The following MUC17 variants were observed in gnomAD, a reference collection of about 807,000 sequenced individuals.
The protein encoded by MUC17 is mucin-17.
Under a neutral mutation model 170.3 loss-of-function variants are expected in MUC17, and 190 were observed. The observed-to-expected ratio is 1.12, with a 90% CI of 0.99 to 1.26. The LOEUF is 1.26. Ranked by LOEUF, MUC17 falls within the 50% of genes most tolerant of loss-of-function variation. The pLI is 0.00. For synonymous variants in MUC17, 2,325 were observed against 2,002.5 expected (o/e 1.16, Z -4.30); for missense variants, 6,415 against 5,530.0 (o/e 1.16, Z -5.08).
chr7:101,051,773 G>T (rs1794949153), intron 8 of MUC17, 30 bp from the exon 9 acceptor site: 1 of 1,609,730 alleles, frequency 6.2e-7, no homozygotes, highest in Non-Finnish European at 8.5e-7. Context: ...TCTGATCACG[G>T]CTGTTCCCTG....
rs150144892 is a variant in MUC17 at position 101,032,829 on chromosome 7, C to A, written c.1413C>A (p.Asn471Lys). 19 of 1,613,658 alleles carry A rather than the reference C, an allele frequency of 1.2e-5. No homozygotes were observed. The highest frequency in any genetic ancestry group is 3.3e-5 in the South Asian group (3 of 91,066). The change falls in exon 3 of 13, where the codon AAC becomes AAA. Residue 471 changes from asparagine to lysine, a missense_variant. Transcript: ENST00000306151. ...TTPVASSEAS[N>K]LSTTPVDSKT... Reference sequence around the variant, plus strand: ...CAGTGGCCAGTTCTGAGGCTAGCAACCTTTCAACAACTCCTGTTGACTCCA... The same window carrying A: ...CAGTGGCCAGTTCTGAGGCTAGCAAACTTTCAACAACTCCTGTTGACTCCA...
Position 101,043,245 on chromosome 7 carries a change from C to T in MUC17, c.11829C>T (p.Ser3943=). Residue 3943 remains serine (S), a synonymous_variant, in exon 3 of 13, where the codon AGC becomes AGT. Coordinates refer to ENST00000306151, the MANE Select transcript of MUC17 (RefSeq NM_001040105.2). ...STPGTTIFIP[S]TPVTSSTADV... Reference sequence around the variant, plus strand: ...CTGGGACAACCATTTTTATTCCCAGCACTCCTGTCACCAGTTCTACTGCTG... The same window carrying T: ...CTGGGACAACCATTTTTATTCCCAGTACTCCTGTCACCAGTTCTACTGCTG... 6.2e-7 allele frequency: 1 copy of T among 1,614,170 alleles called. No individual in the cohort carries two copies. The highest frequency in any genetic ancestry group is 1.1e-5 in the South Asian group (1 of 91,090).
intron 1 of MUC17, among the ~76,000 whole-genome samples, chr7:101,026,119 T>C (rs1283757578): frequency 6.6e-6 from 1 of 152,164 alleles, no homozygotes; most frequent in Admixed American, 6.5e-5. Context: ...CCTGCAAAGC[T>C]TTTTTACTTC....
chr7:101,043,357 A>T lies in MUC17; in HGVS notation c.11941A>T (p.Thr3981Ser), dbSNP rs1025460105. 3 of 1,614,058 alleles carry T rather than the reference A, an allele frequency of 1.9e-6. No homozygotes were observed. The highest frequency in any genetic ancestry group is 1.7e-6 in the Non-Finnish European group (2 of 1,180,038). ...CACACCATCAACCTCCAGTAGTAGT[A>T]CCACCACATCTTTTTCAACTACTAA... ...LNTPSTSSSS[T>S]TTSFSTTKEF... Residue 3981 changes from threonine to serine, a missense_variant, in exon 3 of 13, where the codon ACC becomes TCC. Thr to Ser is a moderately conservative substitution (Grantham distance 58, BLOSUM62 1). Transcript: ENST00000306151.
At position 101,033,270 on chromosome 7, in the gene MUC17, C is replaced by A; in HGVS notation, c.1854C>A (p.Ser618Arg). Residue 618 changes from serine (S) to arginine (R), a missense_variant, in exon 3 of 13, where the codon AGC (serine) becomes AGA (arginine). Coordinates refer to ENST00000306151, the MANE Select transcript of MUC17 (RefSeq NM_001040105.2). Reference sequence around the variant, plus strand: ...CTTCTACAACTGCTGAAGGTACCAGCATGCCAACCTCAACTTACAGTGAAA... The same window carrying A: ...CTTCTACAACTGCTGAAGGTACCAGAATGCCAACCTCAACTTACAGTGAAA... ...SSSSTTAEGT[S>R]MPTSTYSERG... 1 of 1,614,072 alleles carries A rather than the reference C, an allele frequency of 6.2e-7. No homozygotes were observed. The highest frequency in any genetic ancestry group is 1.1e-5 in the South Asian group (1 of 91,064).
chr7:101,053,238 G>A (rs1253393680), intron 10 of MUC17, 91 bp downstream of exon 10: 1 of 1,585,080 alleles, frequency 6.3e-7, no homozygotes, highest in African/African-American at 1.3e-5. Context: ...CATAGTCTAG[G>A]TGGGCAGCGG....
chr7:101,026,663 C>T (rs1326807875), intron 1 of MUC17, among the ~76,000 whole-genome samples: 1 of 152,178 alleles, frequency 6.6e-6, no homozygotes, highest in African/African-American at 2.4e-5. Flanking sequence ...TAGCTCACTG[C>T]AGCCTTGAAC....
In MUC17 at chr7:101,042,373, G is replaced by T. The variant is rs1328083111; in HGVS notation, c.10957G>T (p.Gly3653Cys). ...CACATCGGTGACCATTTCTGAGGCT[G>T]GCACAGCTTCAACACTTCCTGTTGA... ...STTSVTISEA[G>C]TASTLPVDTS... The change falls in exon 3 of 13, where the codon GGC (glycine) becomes TGC (cysteine). Residue 3653 changes from glycine to cysteine, a missense_variant. Physicochemically the swap from Gly to Cys is radical, Grantham distance 159. Coordinates refer to ENST00000306151, the MANE Select transcript of MUC17 (RefSeq NM_001040105.2). 1.2e-6 allele frequency: 2 copies of T among 1,612,920 alleles called. No homozygotes were observed. Among genetic ancestry groups the T allele is most frequent in the Middle Eastern group, 1.7e-4 (1 of 6,058 alleles).
Position 101,036,992 on chromosome 7 carries a change from C to T in MUC17, c.5576C>T (p.Thr1859Ile), listed in dbSNP as rs778367192. 52 of 1,583,818 alleles carry T rather than the reference C, an allele frequency of 3.3e-5. 1 individual carries two copies. Among genetic ancestry groups the T allele is most frequent in the Non-Finnish European group, 4.0e-5 (47 of 1,178,998 alleles). ...PTPAEGTSIA[T>I]STPSEGSTAL... Reference sequence around the variant, plus strand: ...CCTGCTGAAGGTACCAGCATAGCAACCTCAACGCCTAGTGAAGGAAGCACT... The same window carrying T: ...CCTGCTGAAGGTACCAGCATAGCAATCTCAACGCCTAGTGAAGGAAGCACT... Residue 1859 changes from threonine to isoleucine, a missense_variant, in exon 3 of 13, where the codon ACC becomes ATC. By Grantham distance (89) the Thr-to-Ile change is moderately conservative. Transcript: ENST00000306151.
intron 11 of MUC17, among the ~76,000 whole-genome samples, chr7:101,054,333 T>A (rs572244658): frequency 6.6e-6 from 1 of 151,966 alleles, no homozygotes; most frequent in Non-Finnish European, 1.5e-5. Flanking sequence ...AGCAGGGGAG[T>A]TGTACCTCAG....
At chr7:101,056,313 C>T (rs775615693) in intron 12 of MUC17, 43 bp downstream of exon 12, 18 of 1,606,932 alleles carry the variant, frequency 1.1e-5, no homozygotes, top group Admixed American at 5.1e-5. Context: ...CCCAACCCTG[C>T]GACTTTCTTC....
chr7:101,043,719 G>A lies in MUC17; in HGVS notation c.12303G>A (p.Arg4101=), dbSNP rs2116461045. Residue 4101 remains arginine, a synonymous_variant, in exon 3 of 13, where the codon CGG becomes CGA. Transcript: ENST00000306151. ...CCACCAGGACAAAACCCAGCACACG[G>A]ACCACTTCCTTCCCCACGGTGACCA... The part of the protein sequence containing the change: ...TMTTRTKPST[R]TTSFPTVTTT... 1 of 1,613,994 alleles carries A rather than the reference G, an allele frequency of 6.2e-7. No homozygotes were observed. Among genetic ancestry groups the A allele is most frequent in the Non-Finnish European group, 8.5e-7 (1 of 1,180,010 alleles).
Position 101,042,465 on chromosome 7 carries a change from C to T in MUC17, c.11049C>T (p.Thr3683=). The T allele has an allele frequency of 6.2e-7, 1 of 1,614,002 alleles. No individual in the cohort carries two copies. Among genetic ancestry groups the T allele is most frequent in the Non-Finnish European group, 8.5e-7 (1 of 1,179,970 alleles). ...SSSPVTPEGT[T]MPIWTPSEGS... is the part of the protein sequence containing the mutation. Reference sequence around the variant, plus strand: ...CTCCTGTGACTCCTGAAGGTACCACCATGCCAATCTGGACGCCTAGTGAAG... The same window carrying T: ...CTCCTGTGACTCCTGAAGGTACCACTATGCCAATCTGGACGCCTAGTGAAG... Residue 3683 remains threonine, a synonymous_variant, in exon 3 of 13, where the codon ACC becomes ACT. Transcript: ENST00000306151.
intron 1 of MUC17, among the ~76,000 whole-genome samples, chr7:101,026,056 A>G (rs1041554343): frequency 1.4e-4 from 21 of 152,218 alleles, no homozygotes; most frequent in African/African-American, 4.8e-4. Flanking sequence ...ACTCACCCCA[A>G]TAACACTGTC....
chr7:101,038,039 C>G lies in MUC17; in HGVS notation c.6623C>G (p.Thr2208Ser), dbSNP rs557614802. The G allele has an allele frequency of 1.9e-6, 3 of 1,587,184 alleles. No individual in the cohort carries two copies. Among genetic ancestry groups the G allele is most frequent in the South Asian group, 2.3e-5 (2 of 86,938 alleles). The change falls in exon 3 of 13, where the codon ACC (threonine) becomes AGC (serine). Residue 2208 changes from threonine (T) to serine (S), a missense_variant. Thr to Ser is a moderately conservative substitution (Grantham distance 58). Coordinates refer to ENST00000306151, the MANE Select transcript of MUC17 (RefSeq NM_001040105.2). ...ARSSPTTSEGTSMPTSTPSEG... is the reference protein window; with the variant it reads ...ARSSPTTSEGSSMPTSTPSEG... ...TCATCTCCTACAACTTCTGAAGGTA[C>G]CAGCATGCCAACCTCAACTCCTAGT...
chr7:101,058,119 A>G lies in MUC17; in HGVS notation c.*75A>G. 3 of 1,345,234 alleles carry G rather than the reference A, an allele frequency of 2.2e-6. No individual in the cohort carries two copies. Among genetic ancestry groups the G allele is most frequent in the South Asian group, 1.2e-5 (1 of 85,126 alleles). 83.3% of individuals were successfully genotyped at this position (1,345,234 alleles called of 1,614,324 possible). ...CTTGGTGGAGCATTTTCCCATTGAG[A>G]GCCTTCCATGGGAACTCAATGTTCC... On this transcript the variant is annotated 3_prime_UTR_variant, in exon 13 of 13. Transcript: ENST00000306151.
rs959740552 is a variant in MUC17, at chr7:101,033,616, G to C, written c.2200G>C (p.Gly734Arg). The change falls in exon 3 of 13, where the codon GGT (glycine) becomes CGT (arginine). Residue 734 changes from glycine (G) to arginine (R), a missense_variant. Transcript: ENST00000306151. ...CAGTTCCTCTCCTACAACTGCTGAT[G>C]GTGCCAGTATGCCAACCTCAACTCC... is the stretch of plus-strand genomic sequence containing the variant. ...EASSSPTTAD[G>R]ASMPTSTPSE... is the part of the protein sequence containing the mutation. 4.2e-5 allele frequency: 68 copies of C among 1,613,438 alleles called. No homozygotes were observed. The highest frequency in any genetic ancestry group is 5.7e-5 in the Non-Finnish European group (67 of 1,179,912).
chr7:101,049,093 C>A, intron 5 of MUC17, 121 bp downstream of exon 5: 1 of 1,495,238 alleles, frequency 6.7e-7, no homozygotes, highest in South Asian at 1.2e-5. Flanking sequence ...CTCAGGCCCC[C>A]ACGTCCTCAG....
chr7:101,056,367 T>C lies in MUC17; in HGVS notation c.13440+97T>C. 5.2e-6 allele frequency: 8 copies of C among 1,529,670 alleles called. No individual in the cohort carries two copies. The South Asian group carries it at 7.2e-5, about 14-fold the overall frequency. 94.8% of individuals were successfully genotyped at this position (1,529,670 alleles called of 1,614,324 possible). A position where few individuals can be genotyped will look rare whatever the true frequency, so the allele number is the denominator to read the frequency against. On this transcript the variant is annotated intron_variant, in intron 12 of 12. Transcript: ENST00000306151. Reference sequence around the variant, plus strand: ...TAGGACCTTCAGAAAAACAGAACCATGTTTACAGTTTATTGGTCCAGGTGA... The same window carrying C: ...TAGGACCTTCAGAAAAACAGAACCACGTTTACAGTTTATTGGTCCAGGTGA...
Sources: allele counts gnomAD v4.1 joint callset (sites outside exome capture counted in the v4.1 genomes callset), GRCh38; gene constraint gnomAD v4.1.1; transcripts MANE v1.5; gene names NCBI Gene and HGNC (gene_info 2026-07-23, HGNC 2026-07-21).